Variants in ARHGAP6 observed in about 807,000 individuals in gnomAD.
The protein encoded by ARHGAP6 is rho GTPase-activating protein 6.
ARHGAP6 carries 16 observed loss-of-function variants against 55.7 expected under a neutral mutation model. The ratio of observed to expected loss-of-function variants is 0.29; its 90% confidence interval spans 0.19 to 0.44. The LOEUF (loss-of-function observed/expected upper bound fraction) is 0.44. Ranked by LOEUF, ARHGAP6 falls within the 20% of genes least tolerant of loss-of-function variation. ARHGAP6 has a pLI of 1.00. For synonymous variants in ARHGAP6, 382 were observed against 360.9 expected, an observed-to-expected ratio of 1.06 and a Z score of -0.66; for missense variants, 698 against 808.9, an observed-to-expected ratio of 0.86 and a Z score of 1.66.
intron 2 of ARHGAP6, among the ~76,000 whole-genome samples, chrX:11,253,978 A>C (rs1326291795): frequency 9.0e-6 from 1 of 111,518 alleles, no homozygotes; most frequent in Non-Finnish European, 1.9e-5. Flanking sequence ...CAAGGAATTC[A>C]AGTACATGTG....
intron 1 of ARHGAP6, chrX:11,351,369 A>G (rs1304332646): frequency 1.0e-6 from 1 of 968,789 alleles, no homozygotes. Flanking sequence ...CACGTGACCT[A>G]GAAACACCCA....
chrX:11,212,028 A>G (rs926208801), intron 2 of ARHGAP6, among the ~76,000 whole-genome samples: 3 of 111,755 alleles, frequency 2.7e-5, no homozygotes, highest in Non-Finnish European at 5.6e-5. Context: ...CAGAAACTCC[A>G]GGTAGTTAAT....
intron 1 of ARHGAP6, among the ~76,000 whole-genome samples, chrX:11,442,839 A>G (rs757349460): frequency 2.3e-4 from 26 of 112,188 alleles, no homozygotes; most frequent in African/African-American, 8.4e-4. Context: ...CCAAAGGGCC[A>G]GGGCTAATTA....
chrX:11,514,485 T>A (rs1297508736), intron 1 of ARHGAP6, among the ~76,000 whole-genome samples: 2 of 109,763 alleles, frequency 1.8e-5, no homozygotes, highest in African/African-American at 6.7e-5. Flanking sequence ...GGCCGTGGCA[T>A]CAGCAGAACC....
At chrX:11,607,514 T>C (rs1479418840) in intron 1 of ARHGAP6, among the ~76,000 whole-genome samples, 2 of 112,240 alleles carry the variant, frequency 1.8e-5, no homozygotes, top group Non-Finnish European at 3.8e-5. Flanking sequence ...CATTATTTAG[T>C]GTTCAGAGAT....
At chrX:11,172,214 G>T (rs2046102256) in intron 8 of ARHGAP6, among the ~76,000 whole-genome samples, 1 of 111,568 alleles carries the variant, frequency 9.0e-6, no homozygotes. Context: ...AGGCAAGGCT[G>T]TTTTCAGGTG....
At chrX:11,632,731 C>T (rs2052374621) in intron 1 of ARHGAP6, among the ~76,000 whole-genome samples, 1 of 112,492 alleles carries the variant, frequency 8.9e-6, no homozygotes, top group Admixed American at 9.4e-5. Flanking sequence ...CCAGTTCTCA[C>T]AAATACATGT....
Position 11,182,071 on chromosome X carries a change from C to T in ARHGAP6, c.1321G>A (p.Val441Met). 2 of 1,203,215 alleles carry T rather than the reference C, an allele frequency of 1.7e-6. No homozygotes were observed. The highest frequency in any genetic ancestry group is 1.1e-6 in the Non-Finnish European group (1 of 889,710). Residue 441 changes from valine (V) to methionine (M), a missense_variant, in exon 6 of 13, where the codon GTG (valine) becomes ATG (methionine). Transcript: ENST00000337414. ...IFRVGSSKKR[V>M]RQLREEFDRG... is the part of the protein sequence containing the mutation. ...CTTTACTTTTCACTTACTTGTCTCA[C>T]TCTCTTTTTTGAGCTTCCAACTCGG...
At chrX:11,145,191 CTCTT>C (rs1287575107) in intron 10 of ARHGAP6, 1 of 112,577 alleles carries the variant, frequency 8.9e-6, no homozygotes, top group Non-Finnish European at 1.9e-5. Context: ...TACTTCACTT[CTCTT>C]TACTAGTCTT....
At chrX:11,430,360 C>G (rs1211073285) in intron 1 of ARHGAP6, among the ~76,000 whole-genome samples, 3 of 112,334 alleles carry the variant, frequency 2.7e-5, no homozygotes, top group Non-Finnish European at 5.6e-5. Context: ...GTAAAATGTT[C>G]AAGTGCAATA....
chrX:11,276,233 C>G (rs1384581980), intron 1 of ARHGAP6, among the ~76,000 whole-genome samples: 1 of 111,564 alleles, frequency 9.0e-6, no homozygotes, highest in South Asian at 3.8e-4. Flanking sequence ...CCTGCCCCAT[C>G]TCAGCTATTT....
At chrX:11,206,387 A>G (rs1377947791) in intron 2 of ARHGAP6, among the ~76,000 whole-genome samples, 1 of 111,816 alleles carries the variant, frequency 8.9e-6, no homozygotes, top group Non-Finnish European at 1.9e-5. Flanking sequence ...AGGAAATAAG[A>G]GTGCCCTTGA....
intron 1 of ARHGAP6, among the ~76,000 whole-genome samples, chrX:11,599,764 C>T (rs753593802): frequency 1.8e-5 from 2 of 111,313 alleles, no homozygotes; most frequent in Admixed American, 9.6e-5. Flanking sequence ...GGGGATAGAT[C>T]CTAAGTGTTC....
At chrX:11,283,598 A>AAAT (rs1424298929) in intron 1 of ARHGAP6, among the ~76,000 whole-genome samples, 6 of 112,245 alleles carry the variant, frequency 5.3e-5, no homozygotes. Context: ...TATGCTGTTA[A>AAAT]AATAAGGAGA....
At chrX:11,585,948 T>C (rs2051728440) in intron 1 of ARHGAP6, among the ~76,000 whole-genome samples, 1 of 111,455 alleles carries the variant, frequency 9.0e-6, no homozygotes, top group Admixed American at 9.5e-5. Context: ...CACACTTTTA[T>C]ACAACCAGAT....
intron 1 of ARHGAP6, among the ~76,000 whole-genome samples, chrX:11,285,431 C>CTA (rs2047910251): frequency 8.9e-6 from 1 of 111,762 alleles, no homozygotes; most frequent in Non-Finnish European, 1.9e-5. Context: ...TCTGTAATTG[C>CTA]TATAGTCCAT....
chrX:11,365,585 G>C (rs1475570804), intron 1 of ARHGAP6, among the ~76,000 whole-genome samples: 6 of 112,588 alleles, frequency 5.3e-5, no homozygotes, highest in African/African-American at 1.9e-4. Flanking sequence ...TTATTGTCAT[G>C]TAGACCAAAA....
intron 1 of ARHGAP6, among the ~76,000 whole-genome samples, chrX:11,274,784 A>G (rs1417305435): frequency 2.7e-5 from 3 of 110,140 alleles, no homozygotes; most frequent in African/African-American, 9.9e-5. Context: ...CCCTCCCCCA[A>G]CCCCACCACC....
Position 11,664,259 on chromosome X carries a change from G to C in ARHGAP6, c.570C>G (p.Tyr190Ter), listed in dbSNP as rs111800080. ...TCCCTACCTCGGATTTCCACACGAC[G>C]TAGGGGTGCCCGCGACTGTCGGGTG... ...QSPPDSRGHPYVVWKSEGDFT... is the reference protein window; with the variant it reads ...QSPPDSRGHP Residue 190 changes from tyrosine to a stop codon, truncating the protein, a stop_gained, in exon 1 of 13, where the codon TAC (tyrosine) becomes TAG (stop). Transcript: ENST00000337414. LOFTEE classifies it high-confidence loss of function. The C allele has an allele frequency of 8.3e-7, 1 of 1,208,252 alleles. No homozygotes were observed. Among genetic ancestry groups the C allele is most frequent in the Non-Finnish European group, 1.1e-6 (1 of 893,988 alleles).
Sources: gnomAD v4.1 joint callset for allele counts (sites outside exome capture counted in the v4.1 genomes callset) on GRCh38, gnomAD v4.1.1 for gene constraint, MANE v1.5 for transcripts, NCBI Gene and HGNC (gene_info 2026-07-23, HGNC 2026-07-21) for gene names.